Variants in GSAP observed in about 807,000 individuals in gnomAD.
The protein encoded by GSAP is gamma-secretase-activating protein.
A neutral mutation model predicts 131.7 loss-of-function variants in GSAP; 118 were observed. The observed-to-expected ratio is 0.90, with a 90% CI of 0.77 to 1.04. The LOEUF is 1.04. Among genes scored for constraint, GSAP ranks in the 50% least tolerant of loss-of-function variants. The pLI is 0.00. For synonymous variants in GSAP, 381 were observed against 363.4 expected, an observed-to-expected ratio of 1.05 and a Z score of -0.55; for missense variants, 1,019 against 1,013.2, an observed-to-expected ratio of 1.01 and a Z score of -0.08.
intron 19 of GSAP, among the ~76,000 whole-genome samples, chr7:77,346,832 C>T (rs1478754109): frequency 6.6e-6 from 1 of 151,992 alleles, no homozygotes; most frequent in East Asian, 1.9e-4. Flanking sequence ...GTTATAATAT[C>T]GGGTATTTTA....
intron 5 of GSAP, among the ~76,000 whole-genome samples, chr7:77,391,803 C>T (rs1255809038): frequency 6.6e-6 from 1 of 152,102 alleles, no homozygotes; most frequent in East Asian, 1.9e-4. Flanking sequence ...TCAGTGCACC[C>T]CAGCTTGGGC....
intron 9 of GSAP, among the ~76,000 whole-genome samples, 159 bp downstream of exon 9, chr7:77,377,127 G>A (rs1454049018): frequency 1.3e-5 from 2 of 150,936 alleles, no homozygotes; most frequent in African/African-American, 2.4e-5. Flanking sequence ...TGAGGCAGGT[G>A]CATCACTTGA....
chr7:77,333,287 A>G (rs901640135), intron 19 of GSAP, among the ~76,000 whole-genome samples: 1 of 152,230 alleles, frequency 6.6e-6, no homozygotes, highest in African/African-American at 2.4e-5. Flanking sequence ...AGGATATTCC[A>G]GGTGGGACTC....
chr7:77,406,068 T>C lies in GSAP; in HGVS notation c.147A>G (p.Leu49=). 8.8e-7 allele frequency: 1 copy of C among 1,133,496 alleles called. No homozygotes were observed. The highest frequency in any genetic ancestry group is 1.2e-6 in the Non-Finnish European group (1 of 835,336). The allele number at this position is 1,133,496 out of a possible 1,614,324, so 70.2% of individuals were successfully genotyped here. The change falls in exon 2 of 31, where the codon TTA becomes TTG. Residue 49 remains leucine, a synonymous_variant. Coordinates refer to ENST00000257626, the MANE Select transcript of GSAP (RefSeq NM_017439.4). ...TAATATTTCCATTTCTTTCAACATT[T>C]AATACATGTAAGCTCTCATAATCGT... ...LENDYESLHV[L]NVERNGNIIY...
intron 12 of GSAP, among the ~76,000 whole-genome samples, chr7:77,365,563 TCA>T (rs1256881876): frequency 6.6e-6 from 1 of 152,178 alleles, no homozygotes; most frequent in Non-Finnish European, 1.5e-5. Flanking sequence ...AGACATGATC[TCA>T]TTCTTTTTTA....
At chr7:77,374,647 A>C (rs928146285) in intron 11 of GSAP, among the ~76,000 whole-genome samples, 10 of 136,492 alleles carry the variant, frequency 7.3e-5, no homozygotes, top group African/African-American at 3.0e-4. Context: ...AGGAAAACAG[A>C]AAAAAAAAAA....
intron 16 of GSAP, 49 bp from the exon 17 acceptor site, chr7:77,353,690 C>T: frequency 9.2e-7 from 1 of 1,090,854 alleles, no homozygotes; most frequent in Non-Finnish European, 1.4e-6. Flanking sequence ...CTGCTCTCTG[C>T]CTCCACTACC....
At chr7:77,372,453 TTAA>T (rs1796276390) in intron 12 of GSAP, among the ~76,000 whole-genome samples, 1 of 152,340 alleles carries the variant, frequency 6.6e-6, no homozygotes, top group South Asian at 2.1e-4. Flanking sequence ...AGTTTATTGA[TTAA>T]TGTGATTAAT....
At chr7:77,394,322 C>T (rs1800029895) in intron 5 of GSAP, among the ~76,000 whole-genome samples, 1 of 152,222 alleles carries the variant, frequency 6.6e-6, no homozygotes, top group Non-Finnish European at 1.5e-5. Context: ...GACCTCCTCA[C>T]TATCCTTGAA....
At chr7:77,416,528 G>C, upstream of GSAP, 2 of 401,618 alleles carry the variant, frequency 5.0e-6, no homozygotes, top group Non-Finnish European at 8.9e-6. Context: ...GCCGGAGCCG[G>C]AGCCGGGCAC....
chr7:77,352,036 T>C (rs960841717), intron 18 of GSAP, among the ~76,000 whole-genome samples: 5 of 152,154 alleles, frequency 3.3e-5, no homozygotes, highest in Non-Finnish European at 5.9e-5. Context: ...AAAAGTCTAA[T>C]AACCACGACA....
At chr7:77,349,072 T>A (rs1792367700) in intron 19 of GSAP, among the ~76,000 whole-genome samples, 1 of 152,152 alleles carries the variant, frequency 6.6e-6, no homozygotes, top group Non-Finnish European at 1.5e-5. Flanking sequence ...TGTTCTGAGG[T>A]ACAGTGGCAA....
intron 19 of GSAP, among the ~76,000 whole-genome samples, chr7:77,347,977 C>A (rs1171876414): frequency 1.3e-5 from 2 of 148,638 alleles, no homozygotes; most frequent in Non-Finnish European, 3.0e-5. Flanking sequence ...ATAGCAAGAC[C>A]CCATCTCTAC....
chr7:77,334,556 C>T (rs1789653817), intron 19 of GSAP, among the ~76,000 whole-genome samples: 1 of 130,148 alleles, frequency 7.7e-6, no homozygotes, highest in Admixed American at 8.2e-5. Flanking sequence ...CATGTCCTGC[C>T]CATGTATCCT....
Position 77,362,578 on chromosome 7 carries a change from A to C in GSAP, c.949+5T>G, listed in dbSNP as rs952042216. 1 of 1,466,538 alleles carries C rather than the reference A, an allele frequency of 6.8e-7. No individual in the cohort carries two copies. Among genetic ancestry groups the C allele is most frequent in the Non-Finnish European group, 9.5e-7 (1 of 1,047,698 alleles). The allele number at this position is 1,466,538 out of a possible 1,614,324, so 90.8% of individuals were successfully genotyped here. A position where few individuals can be genotyped will look rare whatever the true frequency, so the allele number is the denominator to read the frequency against. On this transcript the variant is annotated splice_donor_5th_base_variant and intron_variant, in intron 13 of 30. Transcript: ENST00000257626. ...TAAAAGTAACAAAGAAGACATGAAA[A>C]GTACCTTTATGAATGTAAAACACTG...
At chr7:77,334,579 TTAAAAAAAAAAAAAAAAAAAAA>T (rs1186057444) in intron 19 of GSAP, among the ~76,000 whole-genome samples, 1 of 82,386 alleles carries the variant, frequency 1.2e-5, no homozygotes, top group African/African-American at 4.9e-5. Flanking sequence ...AACTTAAAAT[TTAAAAAAAAAAAAAAAAAAAAA>T]AAAAAGATGA....
intron 14 of GSAP, among the ~76,000 whole-genome samples, chr7:77,359,338 T>C (rs951471568): frequency 6.6e-6 from 1 of 152,206 alleles, no homozygotes; most frequent in Non-Finnish European, 1.5e-5. Context: ...TCAGAATTGC[T>C]GTAGGGAGCA....
At chr7:77,362,801 G>A in intron 12 of GSAP, 141 bp from the exon 13 acceptor site, 1 of 589,352 alleles carries the variant, frequency 1.7e-6, no homozygotes, top group Non-Finnish European at 3.1e-6. Context: ...TCCTAGAAGT[G>A]GTCTATTAAC....
intron 5 of GSAP, among the ~76,000 whole-genome samples, chr7:77,387,663 C>T (rs969846243): frequency 6.6e-6 from 1 of 152,092 alleles, no homozygotes; most frequent in East Asian, 1.9e-4. Flanking sequence ...CTCCAGGACC[C>T]CAAAAGAGCA....
Sources: gnomAD v4.1 joint callset for allele counts (sites outside exome capture counted in the v4.1 genomes callset) on GRCh38, gnomAD v4.1.1 for gene constraint, MANE v1.5 for transcripts, NCBI Gene and HGNC (gene_info 2026-07-23, HGNC 2026-07-21) for gene names.